ARB2A: variants seen among roughly 807,000 people sequenced by gnomAD.
ARB2A encodes ARB2 cotranscriptional regulator A.
the ARB2A span, chr5:93,781,998 T>A: frequency 1.1e-6 from 1 of 912,456 alleles, no homozygotes; most frequent in Non-Finnish European, 1.3e-6. Context: ...GGAAGTTTCA[T>A]CCTGAGAGTT....
the ARB2A span, among the ~76,000 whole-genome samples, chr5:93,963,779 C>T: frequency 3.3e-5 from 5 of 151,974 alleles, no homozygotes; most frequent in Non-Finnish European, 5.9e-5. Flanking sequence ...TCTAGTCCAA[C>T]CACCGTTTCA....
the ARB2A span, among the ~76,000 whole-genome samples, chr5:93,908,674 GT>G: frequency 2.0e-5 from 3 of 149,994 alleles, no homozygotes; most frequent in Non-Finnish European, 4.5e-5. Context: ...TAATGATAAA[GT>G]TTTTTTTTAC....
chr5:93,881,058 T>C, the ARB2A span, among the ~76,000 whole-genome samples: 1 of 151,698 alleles, frequency 6.6e-6, no homozygotes, highest in Non-Finnish European at 1.5e-5. Context: ...TGATATGTCT[T>C]AGAATTGTGA....
chr5:93,810,598 C>A, the ARB2A span, among the ~76,000 whole-genome samples: 3 of 151,928 alleles, frequency 2.0e-5, no homozygotes, highest in Non-Finnish European at 4.4e-5. Context: ...GAGATGGGGT[C>A]TTACTATGTT....
At chr5:93,755,823 G>C in the ARB2A span, among the ~76,000 whole-genome samples, 14 of 152,192 alleles carry the variant, frequency 9.2e-5, no homozygotes, top group African/African-American at 2.9e-4. Context: ...ATTCCACAGG[G>C]AGAAGGAAAT....
At chr5:93,881,622 G>GT in the ARB2A span, 1 of 1,606,538 alleles carries the variant, frequency 6.2e-7, no homozygotes, top group African/African-American at 1.3e-5. Context: ...GACTGTACGT[G>GT]TATCTTCGGC....
chr5:93,879,209 C>A, the ARB2A span, among the ~76,000 whole-genome samples: 2 of 151,936 alleles, frequency 1.3e-5, no homozygotes, highest in African/African-American at 2.4e-5. Context: ...ATACACCTCA[C>A]ACAAAATGAA....
chr5:94,097,401 T>G, the ARB2A span, among the ~76,000 whole-genome samples: 8 of 152,320 alleles, frequency 5.3e-5, no homozygotes, highest in African/African-American at 1.9e-4. Context: ...ATGGTTTGGC[T>G]ATGTCCCCAC....
chr5:93,839,956 T>C, the ARB2A span, among the ~76,000 whole-genome samples: 1 of 152,110 alleles, frequency 6.6e-6, no homozygotes, highest in South Asian at 2.1e-4. Context: ...ATGTAATTTT[T>C]TCACCAAACC....
chr5:93,999,249 T>C, the ARB2A span, among the ~76,000 whole-genome samples: 5 of 152,018 alleles, frequency 3.3e-5, no homozygotes, highest in African/African-American at 1.2e-4. Flanking sequence ...AGTTTGAGGC[T>C]TATCTTGGGT....
the ARB2A span, among the ~76,000 whole-genome samples, chr5:93,779,998 A>G: frequency 3.8e-3 from 573 of 152,288 alleles, 2 homozygotes; most frequent in Non-Finnish European, 5.9e-3. Context: ...ACAATTTAGT[A>G]TATTATATTT....
chr5:93,913,997 C>G, the ARB2A span, among the ~76,000 whole-genome samples: 1 of 151,904 alleles, frequency 6.6e-6, no homozygotes, highest in Non-Finnish European at 1.5e-5. Context: ...AAAATATTCT[C>G]CTTTCTGTGA....
the ARB2A span, among the ~76,000 whole-genome samples, chr5:93,933,668 G>A: frequency 6.6e-6 from 1 of 152,208 alleles, no homozygotes; most frequent in Non-Finnish European, 1.5e-5. Flanking sequence ...GGGGGGCTAG[G>A]GGAGGGATAG....
chr5:93,714,143 C>T, the ARB2A span, among the ~76,000 whole-genome samples: 1 of 152,174 alleles, frequency 6.6e-6, no homozygotes, highest in Non-Finnish European at 1.5e-5. Flanking sequence ...AGTTTCATAT[C>T]ATTTTCTTTT....
the ARB2A span, among the ~76,000 whole-genome samples, chr5:94,068,043 G>A: frequency 6.6e-6 from 1 of 152,216 alleles, no homozygotes; most frequent in Non-Finnish European, 1.5e-5. Flanking sequence ...GAAGTGTGCG[G>A]ATCACTTTGT....
the ARB2A span, among the ~76,000 whole-genome samples, chr5:93,914,820 CAGAAGA>C: frequency 6.6e-6 from 1 of 151,806 alleles, no homozygotes; most frequent in African/African-American, 2.4e-5. Context: ...GAGGGTTGTT[CAGAAGA>C]ACTCGTGAAA....
chr5:93,812,547 G>A, the ARB2A span, among the ~76,000 whole-genome samples: 214 of 152,106 alleles, frequency 1.4e-3, 1 homozygote, highest in African/African-American at 4.4e-3. Flanking sequence ...CTTTCTGCCC[G>A]GCACAGAAAG....
At chr5:94,094,728 GAC>G in the ARB2A span, among the ~76,000 whole-genome samples, 103 of 152,230 alleles carry the variant, frequency 6.8e-4, no homozygotes, top group African/African-American at 2.3e-3. Flanking sequence ...CACCTAGAGA[GAC>G]AGACAGAACA....
At chr5:93,678,398 G>T in the ARB2A span, among the ~76,000 whole-genome samples, 1 of 152,138 alleles carries the variant, frequency 6.6e-6, no homozygotes, top group South Asian at 2.1e-4. Flanking sequence ...GTAAACTCTT[G>T]CTGGGGCAAT....
Sources: gnomAD v4.1 joint callset for allele counts (sites outside exome capture counted in the v4.1 genomes callset) on GRCh38, gnomAD v4.1.1 for gene constraint, MANE v1.5 for transcripts, NCBI Gene and HGNC (gene_info 2026-07-23, HGNC 2026-07-21) for gene names.